Variants in RAB35 observed in about 807,000 individuals in gnomAD.
RAB35 encodes the protein ras-related protein Rab-35.
RAB35 carries 4 observed loss-of-function variants against 28.9 expected under a neutral mutation model. The observed-to-expected ratio is 0.14, with a 90% CI of 0.07 to 0.32. The LOEUF is 0.32. Among genes scored for constraint, RAB35 ranks in the 10% least tolerant of loss-of-function variants. RAB35 has a pLI of 1.00. For synonymous variants in RAB35, 99 were observed against 105.1 expected (o/e 0.94, Z 0.35); for missense variants, 128 against 274.0 (o/e 0.47, Z 3.76).
Position 120,096,375 on chromosome 12 carries a change from G to A in RAB35, c.*870C>T, listed in dbSNP as rs767782068. The A allele has an allele frequency of 9.2e-5, 113 of 1,221,678 alleles. No homozygotes were observed. The highest frequency in any genetic ancestry group is 2.3e-4 in the Middle Eastern group (1 of 4,444). The allele number at this position is 1,221,678 out of a possible 1,614,324, so 75.7% of individuals were successfully genotyped here. A position where few individuals can be genotyped will look rare whatever the true frequency, so the allele number is the denominator to read the frequency against. ...CTCAGGGAAAGAAAATAATTGTGAG[G>A]AATTTAATTCACTTGATTTGGCTTC... On this transcript the variant is annotated 3_prime_UTR_variant, in exon 6 of 6. Transcript: ENST00000229340.
intron 3 of RAB35, among the ~76,000 whole-genome samples, chr12:120,100,361 C>A (rs1443922187): frequency 6.6e-6 from 1 of 152,254 alleles, no homozygotes; most frequent in African/African-American, 2.4e-5. Context: ...CCACACCTTG[C>A]AGCTTCAACA....
intron 2 of RAB35, among the ~76,000 whole-genome samples, chr12:120,106,746 A>G (rs944461506): frequency 6.6e-6 from 1 of 151,356 alleles, no homozygotes; most frequent in Admixed American, 6.6e-5. Flanking sequence ...ATGCCGCCAC[A>G]CCCAACTCAT....
At position 120,099,035 on chromosome 12, in the gene RAB35, A is replaced by T. The variant is rs1875549894; in HGVS notation, c.347T>A (p.Ile116Lys). The change falls in exon 4 of 6, where the codon ATA becomes AAA. Residue 116 changes from isoleucine to lysine, a missense_variant. Transcript: ENST00000229340. The part of the protein sequence containing the change: ...INQNCDDVCR[I>K]LVGNKNDDPE... ...GGCCCTGAGTGCAGCCTCACCTAAT[A>T]TTCGGCACACATCATCACAGTTCTG... is the stretch of plus-strand genomic sequence containing the variant. 1 of 1,614,066 alleles carries T rather than the reference A, an allele frequency of 6.2e-7. No homozygotes were observed. Among genetic ancestry groups the T allele is most frequent in the Non-Finnish European group, 8.5e-7 (1 of 1,180,050 alleles).
In RAB35 at chr12:120,096,409, G is replaced by C; in HGVS notation, c.*836C>G. ...TCACTTGATTTGGCTTCATTTTCTTGATCTGTTAAAATAATCCTCCCATAG... is the reference window on the plus strand; with the variant it reads ...TCACTTGATTTGGCTTCATTTTCTTCATCTGTTAAAATAATCCTCCCATAG... On this transcript the variant is annotated 3_prime_UTR_variant, in exon 6 of 6. Coordinates refer to ENST00000229340, the MANE Select transcript of RAB35 (RefSeq NM_006861.7). 7.9e-7 allele frequency: 1 copy of C among 1,266,368 alleles called. No individual in the cohort carries two copies. Among genetic ancestry groups the C allele is most frequent in the Non-Finnish European group, 1.0e-6 (1 of 975,210 alleles). The allele number at this position is 1,266,368 out of a possible 1,614,324, so 78.4% of individuals were successfully genotyped here. A position where few individuals can be genotyped will look rare whatever the true frequency, so the allele number is the denominator to read the frequency against.
At chr12:120,115,617 C>T (rs1385524606) in intron 1 of RAB35, among the ~76,000 whole-genome samples, 1 of 152,204 alleles carries the variant, frequency 6.6e-6, no homozygotes, top group African/African-American at 2.4e-5. Context: ...AACCAGTCTA[C>T]CTTTTCGAAG....
At chr12:120,104,007 C>T in intron 2 of RAB35, 58 bp from the exon 3 acceptor site, 2 of 1,594,264 alleles carry the variant, frequency 1.3e-6, no homozygotes, top group Non-Finnish European at 8.5e-7. Context: ...GCCCTGAGCC[C>T]CACGCTGCAC....
intron 1 of RAB35, among the ~76,000 whole-genome samples, chr12:120,112,020 G>A (rs1171378065): frequency 6.7e-6 from 1 of 149,242 alleles, no homozygotes; most frequent in Non-Finnish European, 1.5e-5. Flanking sequence ...TCACTCTGTC[G>A]CCCAGGCTGG....
intron 5 of RAB35, 140 bp downstream of exon 5, chr12:120,098,671 G>A (rs1875534168): frequency 1.7e-6 from 2 of 1,181,142 alleles, no homozygotes; most frequent in East Asian, 2.5e-5. Context: ...TCGTTAAAGG[G>A]CCTGGCACAT....
Position 120,096,360 on chromosome 12 carries a change from GAAAAT to G in RAB35, c.*880_*884del, listed in dbSNP as rs376860268. On this transcript the variant is annotated 3_prime_UTR_variant, in exon 6 of 6. Transcript: ENST00000229340. ...CTGTGCCAATCAAACCTCAGGGAAA[GAAAAT>G]AATTGTGAGGAATTTAATTCACTTG... 34 of 1,196,336 alleles carry G rather than the reference GAAAAT, an allele frequency of 2.8e-5. No individual in the cohort carries two copies. The Middle Eastern group carries it at 1.1e-3, about 40-fold the overall frequency. 74.1% of individuals were successfully genotyped at this position (1,196,336 alleles called of 1,614,324 possible).
At chr12:120,099,218 C>CACCT (rs1371790112) in intron 3 of RAB35, 64 bp from the exon 4 acceptor site, 1 of 1,602,516 alleles carries the variant, frequency 6.2e-7, no homozygotes, top group Non-Finnish European at 8.5e-7. Context: ...TGCCGGGACC[C>CACCT]ACCTGCCCAC....
intron 1 of RAB35, among the ~76,000 whole-genome samples, chr12:120,112,433 ATTTT>A (rs139962625): frequency 7.1e-6 from 1 of 141,778 alleles, no homozygotes; most frequent in Admixed American, 7.1e-5. Flanking sequence ...TGTTCTCGAT[ATTTT>A]TTTTTTTTTT....
At chr12:120,108,012 C>T (rs1179663715) in intron 2 of RAB35, among the ~76,000 whole-genome samples, 5 of 152,052 alleles carry the variant, frequency 3.3e-5, no homozygotes, top group Admixed American at 6.6e-5. Context: ...GAAAGCCCAC[C>T]GCACTCAGAT....
At chr12:120,112,891 A>G (rs1050388181) in intron 1 of RAB35, among the ~76,000 whole-genome samples, 1 of 136,660 alleles carries the variant, frequency 7.3e-6, no homozygotes, top group African/African-American at 2.7e-5. Context: ...CGCCCAACTG[A>G]TTTTTTTTTT....
At chr12:120,116,295 A>T (rs1459604102) in intron 1 of RAB35, among the ~76,000 whole-genome samples, 4 of 152,154 alleles carry the variant, frequency 2.6e-5, no homozygotes. Context: ...GGCAGGTGGT[A>T]GTCCTGAGAC....
At position 120,096,543 on chromosome 12, in the gene RAB35, A is replaced by G; in HGVS notation, c.*702T>C. On this transcript the variant is annotated 3_prime_UTR_variant, in exon 6 of 6. Coordinates refer to ENST00000229340, the MANE Select transcript of RAB35 (RefSeq NM_006861.7). Reference sequence around the variant, plus strand: ...TGGCTGCCCTGGGTTTGGAGCTCAGAGGCATCTAGAAGGCAGGACAAGAAA... The same window carrying G: ...TGGCTGCCCTGGGTTTGGAGCTCAGGGGCATCTAGAAGGCAGGACAAGAAA... 1 of 1,289,782 alleles carries G rather than the reference A, an allele frequency of 7.8e-7. No individual in the cohort carries two copies. Among genetic ancestry groups the G allele is most frequent in the Non-Finnish European group, 1.0e-6 (1 of 988,890 alleles). The allele number at this position is 1,289,782 out of a possible 1,614,324, so 79.9% of individuals were successfully genotyped here.
Position 120,096,183 on chromosome 12 carries a change from G to C in RAB35, c.*1062C>G. ...GCCCGAGGCTGCAGTGTAGACTCCT[G>C]ACCTCCAGTGGGAGGCAACTCGGAC... On this transcript the variant is annotated 3_prime_UTR_variant, in exon 6 of 6. Coordinates refer to ENST00000229340, the MANE Select transcript of RAB35 (RefSeq NM_006861.7). 2.8e-6 allele frequency: 1 copy of C among 355,240 alleles called. No homozygotes were observed. Among genetic ancestry groups the C allele is most frequent in the East Asian group, 7.6e-5 (1 of 13,114 alleles). 22.0% of individuals were successfully genotyped at this position (355,240 alleles called of 1,614,324 possible). A position where few individuals can be genotyped will look rare whatever the true frequency, so the allele number is the denominator to read the frequency against.
At chr12:120,108,739 C>T in intron 1 of RAB35, 1 of 615,586 alleles carries the variant, frequency 1.6e-6, no homozygotes, top group African/African-American at 1.8e-5. Flanking sequence ...GGTGCCCAGG[C>T]CCTAGGCTGA....
Position 120,116,748 on chromosome 12 carries a change from C to T in RAB35, c.-98G>A. 2 of 1,189,570 alleles carry T rather than the reference C, an allele frequency of 1.7e-6. No homozygotes were observed. Among genetic ancestry groups the T allele is most frequent in the Non-Finnish European group, 2.1e-6 (2 of 959,128 alleles). 73.7% of individuals were successfully genotyped at this position (1,189,570 alleles called of 1,614,324 possible). A position where few individuals can be genotyped will look rare whatever the true frequency, so the allele number is the denominator to read the frequency against. On this transcript the variant is annotated 5_prime_UTR_variant, in exon 1 of 6. Transcript: ENST00000229340. ...GCTCCGGCAGCGGCGGATCCACTTCCCGAACAAACAGCCGGAACTGACAGA... is the reference window on the plus strand; with the variant it reads ...GCTCCGGCAGCGGCGGATCCACTTCTCGAACAAACAGCCGGAACTGACAGA...
intron 2 of RAB35, among the ~76,000 whole-genome samples, chr12:120,107,076 T>C (rs1230020007): frequency 1.3e-5 from 2 of 151,712 alleles, no homozygotes; most frequent in Non-Finnish European, 2.9e-5. Context: ...GCAACCTCCC[T>C]CTCCCGGATT....
Sources: gnomAD v4.1 joint callset for allele counts (sites outside exome capture counted in the v4.1 genomes callset) on GRCh38, gnomAD v4.1.1 for gene constraint, MANE v1.5 for transcripts, NCBI Gene and HGNC (gene_info 2026-07-23, HGNC 2026-07-21) for gene names.